The following DNAH17 variants were observed in gnomAD, a reference collection of about 807,000 sequenced individuals.
The protein encoded by DNAH17 is dynein axonemal heavy chain 17, also known as axonemal beta dynein heavy chain 17.
A neutral mutation model predicts 485.6 loss-of-function variants in DNAH17; 376 were observed. The ratio of observed to expected loss-of-function variants is 0.77; its 90% confidence interval spans 0.71 to 0.84. DNAH17 has a LOEUF of 0.84. Among genes scored for constraint, DNAH17 ranks in the 40% least tolerant of loss-of-function variants. The pLI is 0.00. For missense variants in DNAH17, 6,370 were observed against 5,839.3 expected (o/e 1.09, Z -2.96); for synonymous variants, 3,031 against 2,405.9 (o/e 1.26, Z -7.60).
At position 78,544,069 on chromosome 17, in the gene DNAH17, T is replaced by C. The variant is rs569429966; in HGVS notation, c.2392-72A>G. ...CTTTCAGTCGCAGTCCTTTGCTGTG[T>C]GCTTTTGATGTGAGTTTCGTCACTG... On this transcript the variant is annotated intron_variant, in intron 16 of 80. Transcript: ENST00000389840. 14 of 1,600,386 alleles carry C rather than the reference T, an allele frequency of 8.7e-6. No homozygotes were observed. In the South Asian group the frequency reaches 1.4e-4, roughly 17 times the overall value.
intron 18 of DNAH17, among the ~76,000 whole-genome samples, chr17:78,538,698 G>C (rs78231491): frequency 6.6e-6 from 1 of 152,190 alleles, no homozygotes; most frequent in South Asian, 2.1e-4. Context: ...TATGGTTTTT[G>C]TTGAGACGCT....
At chr17:78,428,497 C>T (rs1167112040) in intron 77 of DNAH17, 28 bp downstream of exon 77, 15 of 1,564,922 alleles carry the variant, frequency 9.6e-6, no homozygotes, top group African/African-American at 4.1e-5. Context: ...CCCTTCCTCT[C>T]GCTTGGGAGC....
intron 51 of DNAH17, among the ~76,000 whole-genome samples, chr17:78,477,743 A>C (rs972480076): frequency 6.6e-6 from 1 of 152,220 alleles, no homozygotes; most frequent in African/African-American, 2.4e-5. Flanking sequence ...ACTCCTGCTC[A>C]GTAAAATGGG....
At chr17:78,548,366 G>A (rs1001568561) in intron 16 of DNAH17, among the ~76,000 whole-genome samples, 10 of 151,832 alleles carry the variant, frequency 6.6e-5, no homozygotes, top group Admixed American at 5.9e-4. Flanking sequence ...CACTACACCT[G>A]GCTAATTTTT....
At chr17:78,438,640 A>G (rs897496873) in intron 73 of DNAH17, among the ~76,000 whole-genome samples, 1 of 151,026 alleles carries the variant, frequency 6.6e-6, no homozygotes, top group African/African-American at 2.4e-5. Flanking sequence ...TTGAGGTTAC[A>G]GGCATGTGCC....
intron 39 of DNAH17, 61 bp downstream of exon 39, chr17:78,494,898 G>A: frequency 6.3e-7 from 1 of 1,579,962 alleles, no homozygotes; most frequent in Admixed American, 1.7e-5. Flanking sequence ...AGCCAACCCT[G>A]GCTGCTGCCC....
At chr17:78,445,313 C>T (rs1303583941) in intron 70 of DNAH17, among the ~76,000 whole-genome samples, 1 of 152,168 alleles carries the variant, frequency 6.6e-6, no homozygotes, top group Non-Finnish European at 1.5e-5. Flanking sequence ...ATATCACTCT[C>T]TGCTTGCTGT....
chr17:78,530,625 G>A (rs981653759), intron 20 of DNAH17, 113 bp from the exon 21 acceptor site: 33 of 1,286,790 alleles, frequency 2.6e-5, no homozygotes, highest in South Asian at 7.4e-5. Flanking sequence ...CTCACCTGCC[G>A]GCCACTCTGG....
intron 31 of DNAH17, among the ~76,000 whole-genome samples, chr17:78,504,385 A>C (rs1169066485): frequency 6.6e-6 from 1 of 151,998 alleles, no homozygotes; most frequent in Non-Finnish European, 1.5e-5. Flanking sequence ...TTTTAACTGG[A>C]AACACAGTGC....
intron 73 of DNAH17, among the ~76,000 whole-genome samples, chr17:78,438,259 G>A (rs1255551313): frequency 1.3e-5 from 2 of 150,852 alleles, no homozygotes; most frequent in African/African-American, 2.4e-5. Context: ...TGTAAGACCC[G>A]TGGAAGCTGG....
intron 48 of DNAH17, among the ~76,000 whole-genome samples, chr17:78,484,458 G>A (rs1215268363): frequency 6.6e-6 from 1 of 152,096 alleles, no homozygotes; most frequent in Non-Finnish European, 1.5e-5. Flanking sequence ...GCTCCCAGCT[G>A]GGAGGCTCCT....
chr17:78,548,202 CT>C (rs34701814), intron 16 of DNAH17, among the ~76,000 whole-genome samples: 7,845 of 79,718 alleles, frequency 0.098, 152 homozygotes, highest in East Asian at 0.19. Flanking sequence ...ATGTCATGGC[CT>C]TTTTTTTTTT....
Position 78,424,307 on chromosome 17 carries a change from C to A in DNAH17, c.13142-154G>T, listed in dbSNP as rs112415080. 0.027 allele frequency: 24,916 copies of A among 928,256 alleles called. 412 individuals carry two copies. Among genetic ancestry groups the A allele is most frequent in the Non-Finnish European group, 0.035 (22,292 of 638,852 alleles). The allele number at this position is 928,256 out of a possible 1,614,324, so 57.5% of individuals were successfully genotyped here. A position where few individuals can be genotyped will look rare whatever the true frequency, so the allele number is the denominator to read the frequency against. On this transcript the variant is annotated intron_variant, in intron 80 of 80. Transcript: ENST00000389840. ...CAGCTGCCACGGCTGGAAGCAGAGG[C>A]CTTCGTAGGTGATGGCCTGCATGTT... is the stretch of plus-strand genomic sequence containing the variant.
intron 54 of DNAH17, among the ~76,000 whole-genome samples, chr17:78,473,281 A>C (rs2088851049): frequency 6.6e-6 from 1 of 152,184 alleles, no homozygotes; most frequent in South Asian, 2.1e-4. Context: ...GCAGTGGCTC[A>C]CGCCTGTAAT....
intron 31 of DNAH17, 46 bp downstream of exon 31, chr17:78,505,247 T>C (rs1357973397): frequency 6.2e-7 from 1 of 1,610,652 alleles, no homozygotes; most frequent in East Asian, 2.2e-5. Flanking sequence ...ACACGCGTGC[T>C]GCACCCTTGT....
chr17:78,545,380 C>T (rs2091731129), intron 16 of DNAH17, among the ~76,000 whole-genome samples: 1 of 152,160 alleles, frequency 6.6e-6, no homozygotes, highest in Admixed American at 6.5e-5. Context: ...GGGGCTTAAG[C>T]AACAGACATT....
intron 9 of DNAH17, among the ~76,000 whole-genome samples, chr17:78,568,540 G>C (rs185371964): frequency 1.3e-5 from 2 of 151,936 alleles, no homozygotes; most frequent in African/African-American, 4.8e-5. Context: ...GCCCTACCCC[G>C]TCTTGATCCC....
chr17:78,471,402 A>G (rs1330466507), intron 54 of DNAH17, among the ~76,000 whole-genome samples: 1 of 152,240 alleles, frequency 6.6e-6, no homozygotes, highest in African/African-American at 2.4e-5. Flanking sequence ...CGAGGTAAGG[A>G]GCGTAGTGTG....
chr17:78,516,822 T>C (rs970833629), intron 25 of DNAH17, among the ~76,000 whole-genome samples: 6 of 152,096 alleles, frequency 3.9e-5, no homozygotes, highest in African/African-American at 1.4e-4. Flanking sequence ...TCTCCAAACA[T>C]GTTTCTCCCC....
Sources: allele counts gnomAD v4.1 joint callset (sites outside exome capture counted in the v4.1 genomes callset), GRCh38; gene constraint gnomAD v4.1.1; transcripts MANE v1.5; gene names NCBI Gene and HGNC (gene_info 2026-07-23, HGNC 2026-07-21).